The following OPRM1 variants were observed in gnomAD, a reference collection of about 807,000 sequenced individuals.
The protein encoded by OPRM1 is mu-type opioid receptor.
In OPRM1, 27 loss-of-function variants were observed where a neutral mutation model predicts 31.8. The observed-to-expected ratio is 0.85, with a 90% CI of 0.63 to 1.17. OPRM1 has a LOEUF of 1.17. OPRM1 is among the 50% of genes most tolerant of loss of function. The probability of loss-of-function intolerance (pLI) is 0.00; values close to 1 mark genes in which losing one functional copy is unlikely to be tolerated. For missense variants in OPRM1, 536 were observed against 511.1 expected, an observed-to-expected ratio of 1.05 and a Z score of -0.47; for synonymous variants, 196 against 189.9, an observed-to-expected ratio of 1.03 and a Z score of -0.26.
intron 1 of OPRM1, among the ~76,000 whole-genome samples, chr6:154,031,505 C>T (rs928279337): frequency 4.0e-5 from 6 of 151,860 alleles, no homozygotes; most frequent in African/African-American, 1.5e-4. Context: ...GAGACCGAGG[C>T]GGGCAGATCT....
intron 1 of OPRM1, among the ~76,000 whole-genome samples, chr6:154,061,200 C>T (rs1784325019): frequency 6.6e-6 from 1 of 152,132 alleles, no homozygotes; most frequent in African/African-American, 2.4e-5. Flanking sequence ...GGGCCAGGAA[C>T]ATGTCCCCAG....
rs945831426 is a variant in OPRM1, at chr6:154,124,731, T to C, written c.*6010T>C. Among the ~76,000 whole-genome samples, 4 of 152,180 alleles carry C rather than the reference T, an allele frequency of 2.6e-5. No homozygotes were observed. The highest frequency in any genetic ancestry group is 9.7e-5 in the African/African-American group (4 of 41,444). ...CTCAGACAGTGCAGAAGCTTTATTG[T>C]TTATTTGGGAAGAGCAAGGTAAGAA... On this transcript the variant is annotated 3_prime_UTR_variant, in exon 4 of 4. Coordinates refer to ENST00000330432, the MANE Select transcript of OPRM1 (RefSeq NM_000914.5).
chr6:154,200,518 T>C (rs7743670), intron 3 of OPRM1, among the ~76,000 whole-genome samples: 36,185 of 151,906 alleles, frequency 0.24, 5,070 homozygotes, highest in East Asian at 0.61. Flanking sequence ...GCCGGGAGTT[T>C]GAGACCAGCC....
At chr6:154,019,747 C>CTTTTTTTTTTTTTTTTTTTT (rs373120574) in intron 1 of OPRM1, among the ~76,000 whole-genome samples, 3 of 122,016 alleles carry the variant, frequency 2.5e-5, no homozygotes, top group African/African-American at 6.8e-5. Context: ...CTTTTCTTTT[C>CTTTTTTTTTTTTTTTTTTTT]TTTTTTTTTT....
chr6:154,086,974 G>A, intron 1 of OPRM1: 9 of 984,000 alleles, frequency 9.1e-6, no homozygotes, highest in South Asian at 4.7e-5. Flanking sequence ...TTTTTTGTTG[G>A]TTTTTGTACT....
intron 1 of OPRM1, among the ~76,000 whole-genome samples, chr6:154,061,608 G>T (rs1784434320): frequency 6.6e-6 from 1 of 152,088 alleles, no homozygotes; most frequent in Non-Finnish European, 1.5e-5. Context: ...TTATAAGTGA[G>T]AGCTAAACAT....
At chr6:154,097,544 T>C (rs1173112409) in intron 3 of OPRM1, among the ~76,000 whole-genome samples, 1 of 152,014 alleles carries the variant, frequency 6.6e-6, no homozygotes, top group African/African-American at 2.4e-5. Flanking sequence ...GAAATCAAAA[T>C]GGCTATTCTT....
In OPRM1 at chr6:154,119,186, T is replaced by C. The variant is rs200182237; in HGVS notation, c.*465T>C. 6.1e-6 allele frequency: 6 copies of C among 986,770 alleles called. No individual in the cohort carries two copies. The highest frequency in any genetic ancestry group is 7.2e-6 in the Non-Finnish European group (6 of 830,656). The allele number at this position is 986,770 out of a possible 1,614,324, so 61.1% of individuals were successfully genotyped here. ...TTTTAGTGTTTTGCAAGGGAATGAATCCATTATTCTATTTTAGACTTTTAA... is the reference window on the plus strand; with the variant it reads ...TTTTAGTGTTTTGCAAGGGAATGAACCCATTATTCTATTTTAGACTTTTAA... On this transcript the variant is annotated 3_prime_UTR_variant, in exon 4 of 4. Transcript: ENST00000330432.
rs184553578 is a variant in OPRM1 at position 154,091,441 on chromosome 6, C to T, written c.1133C>T (p.Thr378Met). The T allele has an allele frequency of 2.6e-4, 412 of 1,613,330 alleles. 1 individual carries two copies. Among genetic ancestry groups the T allele is most frequent in the South Asian group, 1.5e-4 (14 of 91,072 alleles). ...IRQNTRDHPS[T>M]ANTVDRTNHQ... Reference sequence around the variant, plus strand: ...CAGAACACTAGAGACCACCCCTCCACGGCCAATACAGTGGATAGAACTAAT... The same window carrying T: ...CAGAACACTAGAGACCACCCCTCCATGGCCAATACAGTGGATAGAACTAAT... Residue 378 changes from threonine to methionine, a missense_variant, in exon 3 of 4, where the codon ACG (threonine) becomes ATG (methionine). Transcript: ENST00000330432.
chr6:154,169,582 T>C, intron 3 of OPRM1, among the ~76,000 whole-genome samples: 1 of 152,202 alleles, frequency 6.6e-6, no homozygotes, highest in Non-Finnish European at 1.5e-5. Flanking sequence ...TTCCCAGAAC[T>C]ACCCTTGGAG....
intron 3 of OPRM1, among the ~76,000 whole-genome samples, chr6:154,202,925 T>C (rs1777189441): frequency 6.6e-6 from 1 of 152,164 alleles, no homozygotes; most frequent in South Asian, 2.1e-4. Context: ...AGAAAGTGAC[T>C]ACATATTCAG....
Position 154,196,418 on chromosome 6 carries a change from AT to A in OPRM1, c.1165-50267del, listed in dbSNP as rs923959640. ...CCTGCCTCTTCTTTAACAATGTTTT[AT>A]TTTTTTTAATTAAGCTTGTTATCTA... On this transcript the variant is annotated intron_variant, in intron 3 of 3. Transcript: ENST00000337049. 6.6e-3 allele frequency among the ~76,000 whole-genome samples: 1,006 copies of A among 151,602 alleles called. 4 individuals carry two copies. The highest frequency in any genetic ancestry group is 0.021 in the African/African-American group (884 of 41,152).
intron 3 of OPRM1, among the ~76,000 whole-genome samples, chr6:154,193,585 C>T: frequency 6.6e-6 from 1 of 152,094 alleles, no homozygotes; most frequent in East Asian, 1.9e-4. Flanking sequence ...ATAAAAACTT[C>T]AATAACATCA....
intron 1 of OPRM1, among the ~76,000 whole-genome samples, chr6:154,057,294 C>A (rs569783179): frequency 6.6e-6 from 1 of 152,216 alleles, no homozygotes; most frequent in South Asian, 2.1e-4. Flanking sequence ...TATCAGTGAG[C>A]AAAATAGACA....
intron 3 of OPRM1, among the ~76,000 whole-genome samples, chr6:154,165,305 C>A (rs1017589012): frequency 1.3e-5 from 2 of 152,142 alleles, no homozygotes; most frequent in African/African-American, 4.8e-5. Flanking sequence ...CCCATCCTCT[C>A]CTCTTCCTCA....
chr6:154,085,887 C>CTTTTTTTTT (rs1562446297), intron 1 of OPRM1, among the ~76,000 whole-genome samples: 17 of 100,952 alleles, frequency 1.7e-4, no homozygotes, highest in African/African-American at 8.3e-4. Context: ...GAAAGCTTGC[C>CTTTTTTTTT]CTTTTTTTTT....
At chr6:154,172,084 A>G (rs927671880) in intron 3 of OPRM1, among the ~76,000 whole-genome samples, 3 of 152,244 alleles carry the variant, frequency 2.0e-5, no homozygotes, top group African/African-American at 7.2e-5. Context: ...AAAACAACTT[A>G]CCAATTGAGC....
chr6:154,239,857 C>T (rs1780439593), intron 3 of OPRM1, among the ~76,000 whole-genome samples: 2 of 152,158 alleles, frequency 1.3e-5, no homozygotes. Flanking sequence ...GCATATCCAC[C>T]ACGCTTGGCT....
At chr6:154,067,888 G>C (rs1350962120) in intron 1 of OPRM1, among the ~76,000 whole-genome samples, 1 of 151,634 alleles carries the variant, frequency 6.6e-6, no homozygotes, top group Admixed American at 6.6e-5. Flanking sequence ...GCCTTTCTTT[G>C]TCACTTGTAA....
Sources: gnomAD v4.1 joint callset for allele counts (sites outside exome capture counted in the v4.1 genomes callset) on GRCh38, gnomAD v4.1.1 for gene constraint, MANE v1.5 for transcripts, NCBI Gene and HGNC (gene_info 2026-07-23, HGNC 2026-07-21) for gene names.